Variants in GPR158 observed in about 807,000 individuals in gnomAD.
The protein encoded by GPR158 is G protein-coupled receptor 158, also known as metabotropic glycine receptor.
In GPR158, 30 loss-of-function variants were observed where a neutral mutation model predicts 78.2. That is an observed-to-expected ratio of 0.38 (90% CI 0.29 to 0.52). The LOEUF (loss-of-function observed/expected upper bound fraction) is 0.52. GPR158 is among the 20% of genes least tolerant of loss of function. The pLI, the probability that GPR158 is intolerant of heterozygous loss-of-function variation, is 0.83. For synonymous variants in GPR158, 581 were observed against 591.1 expected (o/e 0.98, Z 0.25); for missense variants, 1,463 against 1,523.5 (o/e 0.96, Z 0.66).
At chr10:25,531,580 C>T (rs1836422837) in intron 5 of GPR158, among the ~76,000 whole-genome samples, 1 of 152,024 alleles carries the variant, frequency 6.6e-6, no homozygotes, top group African/African-American at 2.4e-5. Flanking sequence ...GGCAGTGAGT[C>T]AGACTGAAAC....
At chr10:25,377,149 G>T (rs1036585169) in intron 2 of GPR158, among the ~76,000 whole-genome samples, 8 of 151,210 alleles carry the variant, frequency 5.3e-5, no homozygotes, top group African/African-American at 1.9e-4. Context: ...CTCCCCTCTG[G>T]CTCTCCAATT....
intron 2 of GPR158, among the ~76,000 whole-genome samples, chr10:25,360,103 G>A (rs945582906): frequency 1.3e-5 from 2 of 151,766 alleles, no homozygotes; most frequent in Admixed American, 6.6e-5. Context: ...TTTTTGATGA[G>A]GTTGTTTTCT....
chr10:25,292,157 A>G (rs754880168), intron 2 of GPR158, among the ~76,000 whole-genome samples: 12 of 152,086 alleles, frequency 7.9e-5, no homozygotes, highest in Admixed American at 6.5e-4. Context: ...TTATGTATCA[A>G]TTGGTTTATA....
chr10:25,284,998 T>C (rs1854328737), intron 2 of GPR158, among the ~76,000 whole-genome samples: 2 of 152,132 alleles, frequency 1.3e-5, no homozygotes, highest in African/African-American at 2.4e-5. Flanking sequence ...TTAGTTATCT[T>C]TTAGATAATA....
intron 5 of GPR158, among the ~76,000 whole-genome samples, chr10:25,524,918 C>T (rs758438070): frequency 4.6e-5 from 7 of 151,974 alleles, no homozygotes; most frequent in Non-Finnish European, 8.8e-5. Flanking sequence ...TATTACAACT[C>T]AATAATAAAA....
rs1394320825 is a variant in GPR158, at chr10:25,412,310, T to C, written c.1172T>C (p.Val391Ala). ...AAAGATGTGTCAGAAGAAGCCTATG[T>C]CTGCCTACCTTGCAGGGAGGGCTGC... is the stretch of plus-strand genomic sequence containing the variant. ...STKDVSEEAY[V>A]CLPCREGCPF... Residue 391 changes from valine to alanine, a missense_variant, in exon 4 of 11, where the codon GTC becomes GCC. Transcript: ENST00000376351. The C allele has an allele frequency of 1.2e-6, 2 of 1,614,128 alleles. No homozygotes were observed. Among genetic ancestry groups the C allele is most frequent in the Non-Finnish European group, 1.7e-6 (2 of 1,179,934 alleles).
intron 5 of GPR158, among the ~76,000 whole-genome samples, chr10:25,533,693 T>C (rs1233866983): frequency 3.9e-5 from 6 of 152,200 alleles, no homozygotes; most frequent in Admixed American, 1.3e-4. Flanking sequence ...ATTGAACAAA[T>C]TGGTCAACAT....
At chr10:25,435,332 G>T (rs1372027749) in intron 4 of GPR158, among the ~76,000 whole-genome samples, 1 of 152,142 alleles carries the variant, frequency 6.6e-6, no homozygotes, top group African/African-American at 2.4e-5. Context: ...GAGAGATAAT[G>T]GGTTGGGGAG....
intron 2 of GPR158, among the ~76,000 whole-genome samples, chr10:25,329,640 A>G (rs1351293420): frequency 6.6e-6 from 1 of 151,870 alleles, no homozygotes; most frequent in Non-Finnish European, 1.5e-5. Flanking sequence ...ATTATTCCAG[A>G]AAAACAAGAG....
intron 1 of GPR158, among the ~76,000 whole-genome samples, chr10:25,192,321 T>C (rs1331951379): frequency 3.3e-5 from 5 of 152,218 alleles, no homozygotes; most frequent in Non-Finnish European, 7.3e-5. Context: ...CAAATGGAAC[T>C]GTGAGTCAAT....
intron 4 of GPR158, among the ~76,000 whole-genome samples, chr10:25,426,940 T>C (rs1216722332): frequency 4.0e-5 from 6 of 151,682 alleles, no homozygotes; most frequent in Non-Finnish European, 5.9e-5. Context: ...ACAGTTTCAA[T>C]GATGCAAAGT....
chr10:25,419,641 C>T (rs1834718775), intron 4 of GPR158, among the ~76,000 whole-genome samples: 2 of 152,120 alleles, frequency 1.3e-5, no homozygotes, highest in Admixed American at 1.3e-4. Context: ...CCCTAACCTA[C>T]ATTTGTCATT....
intron 1 of GPR158, among the ~76,000 whole-genome samples, chr10:25,199,600 C>T (rs937806029): frequency 3.3e-5 from 5 of 152,008 alleles, no homozygotes; most frequent in Admixed American, 6.6e-5. Flanking sequence ...ATCATGGGGG[C>T]AATTCCCCCA....
intron 2 of GPR158, among the ~76,000 whole-genome samples, chr10:25,327,931 C>A (rs1335417195): frequency 4.6e-5 from 7 of 152,144 alleles, no homozygotes; most frequent in African/African-American, 1.7e-4. Context: ...TATTTGTAGA[C>A]ATTCGTTATT....
chr10:25,221,255 G>C, intron 2 of GPR158, 98 bp downstream of exon 2: 4 of 631,378 alleles, frequency 6.3e-6, no homozygotes, highest in Non-Finnish European at 1.1e-5. Context: ...CATCTTACTG[G>C]GAAGAAAATC....
intron 1 of GPR158, among the ~76,000 whole-genome samples, chr10:25,194,449 C>T (rs1469539965): frequency 6.6e-6 from 1 of 152,052 alleles, no homozygotes; most frequent in East Asian, 1.9e-4. Context: ...TGAGGCTGGA[C>T]GATTGCTTCA....
At chr10:25,325,236 A>G (rs78673236) in intron 2 of GPR158, among the ~76,000 whole-genome samples, 2,331 of 152,264 alleles carry the variant, frequency 0.015, 68 homozygotes, top group African/African-American at 0.053. Flanking sequence ...GGATTCGAGC[A>G]TAAAAACTGT....
intron 2 of GPR158, among the ~76,000 whole-genome samples, chr10:25,333,490 T>C (rs1288334254): frequency 6.6e-6 from 1 of 152,188 alleles, no homozygotes; most frequent in Non-Finnish European, 1.5e-5. Context: ...ATTTTCTTAA[T>C]GTTAATTCTG....
chr10:25,196,399 T>A (rs752559672), intron 1 of GPR158, among the ~76,000 whole-genome samples: 2 of 152,228 alleles, frequency 1.3e-5, no homozygotes, highest in Admixed American at 1.3e-4. Context: ...AATTTAAATA[T>A]CTATAAAGTC....
Sources: gnomAD v4.1 joint callset for allele counts (sites outside exome capture counted in the v4.1 genomes callset) on GRCh38, gnomAD v4.1.1 for gene constraint, MANE v1.5 for transcripts, NCBI Gene and HGNC (gene_info 2026-07-23, HGNC 2026-07-21) for gene names.